Variants in TRIP11 observed in about 807,000 individuals in gnomAD.
TRIP11 encodes thyroid receptor-interacting protein 11.
In TRIP11, 148 loss-of-function variants were observed where a neutral mutation model predicts 223.1. That is an observed-to-expected ratio of 0.66 (90% CI 0.58 to 0.76). TRIP11 has a LOEUF of 0.76. Ranked by LOEUF, TRIP11 falls within the 30% of genes least tolerant of loss-of-function variation. The pLI is 0.00. For missense variants in TRIP11, 2,043 were observed against 2,222.0 expected, an observed-to-expected ratio of 0.92 and a Z score of 1.62; for synonymous variants, 762 against 772.6, an observed-to-expected ratio of 0.99 and a Z score of 0.23.
chr14:92,020,328 C>T (rs1427608790), intron 4 of TRIP11, among the ~76,000 whole-genome samples: 4 of 151,688 alleles, frequency 2.6e-5, no homozygotes, highest in East Asian at 1.9e-4. Context: ...TCAAGCATTT[C>T]GGATAAGAGA....
At chr14:92,021,414 G>T in intron 4 of TRIP11, 142 bp downstream of exon 4, 10 of 715,024 alleles carry the variant, frequency 1.4e-5, no homozygotes, top group Non-Finnish European at 2.3e-5. Context: ...AAGAAAGAAA[G>T]TCACTGACGG....
Position 91,988,310 on chromosome 14 carries a change from T to G in TRIP11, c.5234A>C (p.Glu1745Ala). Residue 1745 changes from glutamate (E) to alanine (A), a missense_variant, in exon 16 of 21, where the codon GAA becomes GCA. Physicochemically the swap from Glu to Ala is moderately radical, Grantham distance 107 (BLOSUM62 -1). Coordinates refer to ENST00000267622, the MANE Select transcript of TRIP11 (RefSeq NM_004239.4). Reference protein sequence around the residue: ...RLTEQLDVKEEQIEELKRQNE... With the variant: ...RLTEQLDVKEAQIEELKRQNE... ...TTGTCTTTTAAGTTCTTCAATTTGT[T>G]CTTCTTTTACATCTAACTGTTCTGT... is the stretch of plus-strand genomic sequence containing the variant. 1 of 1,613,164 alleles carries G rather than the reference T, an allele frequency of 6.2e-7. No individual in the cohort carries two copies. Among genetic ancestry groups the G allele is most frequent in the Non-Finnish European group, 8.5e-7 (1 of 1,179,750 alleles).
intron 17 of TRIP11, among the ~76,000 whole-genome samples, chr14:91,975,793 C>A (rs1408538886): frequency 4.0e-5 from 6 of 151,878 alleles, no homozygotes. Flanking sequence ...CATTTAAGGA[C>A]AGTAAAAGAA....
chr14:91,984,609 T>C lies in TRIP11; in HGVS notation c.5260+3675A>G, dbSNP rs1026009314. ...GGGATTACAGGTGTGAGCCACCACG[T>C]CCGGCCAAATCATTTTCAATTAGCA... On this transcript the variant is annotated intron_variant, in intron 16 of 20. Coordinates refer to ENST00000267622, the MANE Select transcript of TRIP11 (RefSeq NM_004239.4). 7.9e-5 allele frequency among the ~76,000 whole-genome samples: 12 copies of C among 152,236 alleles called. 1 individual carries two copies. Among genetic ancestry groups the C allele is most frequent in the South Asian group, 2.1e-4 (1 of 4,828 alleles).
intron 2 of TRIP11, among the ~76,000 whole-genome samples, chr14:92,027,245 C>T (rs1350381077): frequency 6.6e-6 from 1 of 150,968 alleles, no homozygotes; most frequent in Non-Finnish European, 1.5e-5. Context: ...GTTCTTTGTC[C>T]TACTTCTGAC....
chr14:92,002,643 C>G (rs937235500), intron 11 of TRIP11, among the ~76,000 whole-genome samples: 1 of 150,970 alleles, frequency 6.6e-6, no homozygotes, highest in African/African-American at 2.4e-5. Flanking sequence ...ATGGCATGAT[C>G]TCGGCTCACT....
intron 15 of TRIP11, among the ~76,000 whole-genome samples, 178 bp downstream of exon 15, chr14:91,993,631 A>C (rs1033944355): frequency 6.6e-6 from 1 of 152,114 alleles, no homozygotes. Context: ...ACTCTAAACT[A>C]TGACACCTTA....
At chr14:92,002,872 C>T (rs374654233) in intron 11 of TRIP11, among the ~76,000 whole-genome samples, 4 of 152,088 alleles carry the variant, frequency 2.6e-5, no homozygotes, top group East Asian at 1.9e-4. Flanking sequence ...TGAGCCACCG[C>T]GCCCAGCCAG....
Position 91,988,312 on chromosome 14 carries a change from T to C in TRIP11, c.5232A>G (p.Glu1744=). The part of the protein sequence containing the change: ...SRLTEQLDVK[E]EQIEELKRQN... Reference sequence around the variant, plus strand: ...GTCTTTTAAGTTCTTCAATTTGTTCTTCTTTTACATCTAACTGTTCTGTAA... The same window carrying C: ...GTCTTTTAAGTTCTTCAATTTGTTCCTCTTTTACATCTAACTGTTCTGTAA... The change falls in exon 16 of 21, where the codon GAA becomes GAG. Residue 1744 remains glutamate, a synonymous_variant. Coordinates refer to ENST00000267622, the MANE Select transcript of TRIP11 (RefSeq NM_004239.4). The C allele has an allele frequency of 6.2e-7, 1 of 1,613,310 alleles. No individual in the cohort carries two copies. Among genetic ancestry groups the C allele is most frequent in the Non-Finnish European group, 8.5e-7 (1 of 1,179,784 alleles).
In TRIP11 at chr14:91,968,696, T is replaced by C. The variant is rs536940509; in HGVS notation, c.*977A>G. 3 of 227,892 alleles carry C rather than the reference T, an allele frequency of 1.3e-5. No individual in the cohort carries two copies. The East Asian group carries it at 1.9e-4, about 14-fold the overall frequency. The allele number at this position is 227,892 out of a possible 1,614,324, so 14.1% of individuals were successfully genotyped here. A position where few individuals can be genotyped will look rare whatever the true frequency, so the allele number is the denominator to read the frequency against. On this transcript the variant is annotated 3_prime_UTR_variant, in exon 21 of 21. Transcript: ENST00000267622. Reference sequence around the variant, plus strand: ...TCAACAATAAAAAGGAACAAACTAGTGATACATCCAAAGCCTTGGATGGAT... The same window carrying C: ...TCAACAATAAAAAGGAACAAACTAGCGATACATCCAAAGCCTTGGATGGAT...
intron 16 of TRIP11, chr14:91,977,227 C>T (rs1450274395): frequency 6.6e-6 from 3 of 454,708 alleles, no homozygotes; most frequent in African/African-American, 6.0e-5. Flanking sequence ...TGTGAGTTGT[C>T]ATCTCACTTT....
rs765222831 is a variant in TRIP11, at chr14:92,017,661, T to C, written c.657+21A>G. ...AGATTTAGATGTATAACTCCCATCA[T>C]CAATCAACAATTTGACTTACCTTAA... On this transcript the variant is annotated intron_variant, in intron 5 of 20. Transcript: ENST00000267622. The C allele has an allele frequency of 8.2e-6, 13 of 1,581,936 alleles. No homozygotes were observed. In the African/African-American group the frequency reaches 1.5e-4, roughly 18 times the overall value.
At chr14:91,985,285 T>C (rs2056591990) in intron 16 of TRIP11, among the ~76,000 whole-genome samples, 1 of 152,198 alleles carries the variant, frequency 6.6e-6, no homozygotes, top group Admixed American at 6.5e-5. Flanking sequence ...TAGTATCTCA[T>C]ATAGCACCTA....
At position 91,999,316 on chromosome 14, in the gene TRIP11, C is replaced by G. The variant is rs1193252893; in HGVS notation, c.4816G>C (p.Glu1606Gln). Reference protein sequence around the residue: ...TREALAAEDREAKLRKKVTVL... With the variant: ...TREALAAEDRQAKLRKKVTVL... Reference sequence around the variant, plus strand: ...GTGACTTTCTTTCTTAGTTTAGCCTCTCTATCTTCTGCAGCCAAAGCTTCA... The same window carrying G: ...GTGACTTTCTTTCTTAGTTTAGCCTGTCTATCTTCTGCAGCCAAAGCTTCA... The change falls in exon 13 of 21, where the codon GAG becomes CAG. Residue 1606 changes from glutamate (E) to glutamine (Q), a missense_variant. Coordinates refer to ENST00000267622, the MANE Select transcript of TRIP11 (RefSeq NM_004239.4). The G allele has an allele frequency of 1.2e-6, 2 of 1,613,908 alleles. No homozygotes were observed. Among genetic ancestry groups the G allele is most frequent in the Admixed American group, 3.3e-5 (2 of 60,028 alleles).
At chr14:91,970,984 A>T (rs140037513) in intron 20 of TRIP11, among the ~76,000 whole-genome samples, 40 of 152,386 alleles carry the variant, frequency 2.6e-4, no homozygotes, top group African/African-American at 8.9e-4. Flanking sequence ...AAGAAAAAAC[A>T]ATATATACAT....
chr14:91,996,671 C>T (rs2056755282), intron 13 of TRIP11, among the ~76,000 whole-genome samples: 1 of 152,206 alleles, frequency 6.6e-6, no homozygotes, highest in Admixed American at 6.5e-5. Flanking sequence ...TTTTGTCCAG[C>T]TCCCAATTTA....
At chr14:91,976,264 T>G (rs2056463495) in intron 16 of TRIP11, 75 bp from the exon 17 acceptor site, 1 of 1,239,540 alleles carries the variant, frequency 8.1e-7, no homozygotes, top group Non-Finnish European at 1.2e-6. Flanking sequence ...ATGAAATTTA[T>G]GAGATCTTTA....
chr14:91,988,247 A>T (rs1384378698), intron 16 of TRIP11, 37 bp downstream of exon 16: 4 of 1,509,748 alleles, frequency 2.6e-6, no homozygotes, highest in Middle Eastern at 2.3e-4. Flanking sequence ...TAATATCAGT[A>T]TTGTAGTGGG....
At chr14:92,013,498 A>G (rs1048681146) in intron 7 of TRIP11, among the ~76,000 whole-genome samples, 2 of 152,206 alleles carry the variant, frequency 1.3e-5, no homozygotes, top group Admixed American at 1.3e-4. Context: ...GTCCTTAACC[A>G]CTACGCTATT....
Sources: allele counts gnomAD v4.1 joint callset (sites outside exome capture counted in the v4.1 genomes callset), GRCh38; gene constraint gnomAD v4.1.1; transcripts MANE v1.5; gene names NCBI Gene and HGNC (gene_info 2026-07-23, HGNC 2026-07-21).